The following LOC128092252 variants were observed in gnomAD, a reference collection of about 807,000 sequenced individuals.
the LOC128092252 span, among the ~76,000 whole-genome samples, chr15:50,680,082 A>G: frequency 6.6e-6 from 1 of 151,922 alleles, no homozygotes; most frequent in Non-Finnish European, 1.5e-5. Context: ...AAAAATACAA[A>G]TATTAGCTGG....
chr15:50,673,577 C>T, the LOC128092252 span, among the ~76,000 whole-genome samples: 1 of 152,070 alleles, frequency 6.6e-6, no homozygotes, highest in Admixed American at 6.6e-5. Flanking sequence ...CAATCTCATC[C>T]AGGTCACTGT....
chr15:50,671,798 T>C, the LOC128092252 span, among the ~76,000 whole-genome samples: 3 of 151,624 alleles, frequency 2.0e-5, no homozygotes, highest in Non-Finnish European at 4.4e-5. Context: ...TGAGAGAACT[T>C]GTCTCGAAAA....
chr15:50,677,754 AAAAAAAC>A, the LOC128092252 span, among the ~76,000 whole-genome samples: 7 of 150,150 alleles, frequency 4.7e-5, no homozygotes, highest in Non-Finnish European at 7.4e-5. Context: ...AAAAAAAAAA[AAAAAAAC>A]AAAAGGTAAC....
chr15:50,686,014 G>A, the LOC128092252 span, among the ~76,000 whole-genome samples: 1 of 152,164 alleles, frequency 6.6e-6, no homozygotes, highest in Non-Finnish European at 1.5e-5. Flanking sequence ...TAGAGTATCC[G>A]CTGCACAGCA....
At chr15:50,669,845 T>C in the LOC128092252 span, among the ~76,000 whole-genome samples, 1 of 152,160 alleles carries the variant, frequency 6.6e-6, no homozygotes, top group African/African-American at 2.4e-5. Flanking sequence ...GGGCACATAA[T>C]ACAATCAGCG....
At chr15:50,684,030 TTAG>T in the LOC128092252 span, among the ~76,000 whole-genome samples, 5 of 152,084 alleles carry the variant, frequency 3.3e-5, no homozygotes, top group Admixed American at 2.6e-4. Context: ...CTGCTAATTT[TTAG>T]TAGAGACGGG....
chr15:50,656,689 T>C, the LOC128092252 span, among the ~76,000 whole-genome samples: 2 of 152,148 alleles, frequency 1.3e-5, no homozygotes, highest in South Asian at 4.1e-4. Flanking sequence ...CTCTTCAATA[T>C]ATCTAAAATA....
chr15:50,675,933 A>T, the LOC128092252 span, among the ~76,000 whole-genome samples: 1 of 152,218 alleles, frequency 6.6e-6, no homozygotes, highest in Admixed American at 6.5e-5. Context: ...TATGTGTGCA[A>T]CCTTGTGCAA....
chr15:50,674,346 T>C, the LOC128092252 span, among the ~76,000 whole-genome samples: 1 of 151,788 alleles, frequency 6.6e-6, no homozygotes, highest in Non-Finnish European at 1.5e-5. Flanking sequence ...TGGTCAGGCT[T>C]TTCTTGAACT....
chr15:50,684,111 C>T, the LOC128092252 span, among the ~76,000 whole-genome samples: 1 of 151,382 alleles, frequency 6.6e-6, no homozygotes, highest in Non-Finnish European at 1.5e-5. Context: ...AGCCTGTCGC[C>T]GCCTCCCAAA....
chr15:50,666,460 G>C, the LOC128092252 span, among the ~76,000 whole-genome samples: 5 of 151,902 alleles, frequency 3.3e-5, 1 homozygote. Context: ...AAGGGAGAAA[G>C]AAGAGGAGGA....
the LOC128092252 span, among the ~76,000 whole-genome samples, chr15:50,681,656 T>C: frequency 6.6e-6 from 1 of 152,344 alleles, no homozygotes; most frequent in South Asian, 2.1e-4. Context: ...GCTATATTAT[T>C]GATGACTTAG....
At chr15:50,662,843 A>G in the LOC128092252 span, 6 of 743,394 alleles carry the variant, frequency 8.1e-6, no homozygotes, top group African/African-American at 1.8e-5. Flanking sequence ...ATTAACAGTA[A>G]TTATAAAAAG....
the LOC128092252 span, among the ~76,000 whole-genome samples, chr15:50,679,529 T>TTATATATATGTGTATATATATA: frequency 5.8e-5 from 3 of 51,754 alleles, no homozygotes; most frequent in African/African-American, 7.9e-5. Flanking sequence ...TATATATATA[T>TTATATATATGTGTATATATATA]ATATATATAT....
At chr15:50,672,944 T>C in the LOC128092252 span, among the ~76,000 whole-genome samples, 1 of 120,700 alleles carries the variant, frequency 8.3e-6, no homozygotes, top group Non-Finnish European at 1.8e-5. Flanking sequence ...AATAAGTATA[T>C]AAAGAAAATG....
chr15:50,679,538 A>ATATTTTTTT, the LOC128092252 span, among the ~76,000 whole-genome samples: 1 of 43,902 alleles, frequency 2.3e-5, no homozygotes, highest in African/African-American at 1.1e-4. Context: ...ATATATATAT[A>ATATTTTTTT]TTTTTTTTTT....
the LOC128092252 span, chr15:50,686,589 G>C: frequency 6.2e-7 from 1 of 1,602,558 alleles, no homozygotes; most frequent in Non-Finnish European, 8.5e-7. Flanking sequence ...CCTCCTCCGC[G>C]GCCTGTAGCC....
chr15:50,678,236 T>C, the LOC128092252 span, among the ~76,000 whole-genome samples: 2 of 101,866 alleles, frequency 2.0e-5, no homozygotes, highest in African/African-American at 3.6e-5. Flanking sequence ...TGAGACTCTC[T>C]CTCAAAAAAA....
the LOC128092252 span, among the ~76,000 whole-genome samples, chr15:50,685,349 C>T: frequency 3.9e-5 from 6 of 152,126 alleles, no homozygotes; most frequent in African/African-American, 9.7e-5. Context: ...CCCAGCTACT[C>T]GGGAGCCTGA....
Sources: gnomAD v4.1 joint callset for allele counts (sites outside exome capture counted in the v4.1 genomes callset) on GRCh38, gnomAD v4.1.1 for gene constraint, MANE v1.5 for transcripts.